MYO5B: variants seen among roughly 807,000 people sequenced by gnomAD.
MYO5B encodes the protein unconventional myosin-Vb.
MYO5B carries 143 observed loss-of-function variants against 229.3 expected under a neutral mutation model. That is an observed-to-expected ratio of 0.62 (90% CI 0.54 to 0.72). The LOEUF (loss-of-function observed/expected upper bound fraction) is 0.72, where lower values mean the gene tolerates loss of function less well. Ranked by LOEUF, MYO5B falls within the 30% of genes least tolerant of loss-of-function variation. MYO5B has a pLI of 0.00. For missense variants in MYO5B, 2,321 were observed against 2,331.0 expected, an observed-to-expected ratio of 1.00 and a Z score of 0.09; for synonymous variants, 918 against 885.2, an observed-to-expected ratio of 1.04 and a Z score of -0.66.
At position 49,823,371 on chromosome 18, in the gene MYO5B, C is replaced by A. The variant is rs1173307056; in HGVS notation, c.*3100G>T. ...GCCCCATGCTGTCCCATTTTAGTGA[C>A]CATTTAGTTATGCAGGCATTATACA... On this transcript the variant is annotated 3_prime_UTR_variant, in exon 40 of 40. Coordinates refer to ENST00000285039, the MANE Select transcript of MYO5B (RefSeq NM_001080467.3). 1.3e-5 allele frequency: 2 copies of A among 152,302 alleles called. No homozygotes were observed. The highest frequency in any genetic ancestry group is 4.8e-5 in the African/African-American group (2 of 41,486). The allele number at this position is 152,302 out of a possible 1,614,324, so 9.4% of individuals were successfully genotyped here. A position where few individuals can be genotyped will look rare whatever the true frequency, so the allele number is the denominator to read the frequency against.
rs183219633 is a variant in MYO5B at position 50,158,416 on chromosome 18, G to A, written c.27+36351C>T. 1.4e-4 allele frequency among the ~76,000 whole-genome samples: 22 copies of A among 152,160 alleles called. No homozygotes were observed. In the East Asian group the frequency reaches 3.5e-3, roughly 24 times the overall value. ...ATTCCCTATTTTTATGCAGATATCT[G>A]GACTTTTCATCTACATTTTTACCTT... On this transcript the variant is annotated intron_variant, in intron 1 of 39. Transcript: ENST00000285039.
At chr18:50,150,716 G>A (rs1480592585) in intron 1 of MYO5B, among the ~76,000 whole-genome samples, 1 of 152,268 alleles carries the variant, frequency 6.6e-6, no homozygotes, top group African/African-American at 2.4e-5. Context: ...ATAGCATTGG[G>A]AGATATACCT....
Position 49,992,354 on chromosome 18 carries a change from T to C in MYO5B, c.690A>G (p.Lys230=), listed in dbSNP as rs2025942372. The C allele has an allele frequency of 1.9e-6, 3 of 1,614,156 alleles. No homozygotes were observed. The East Asian group carries it at 6.7e-5, about 36-fold the overall frequency. Residue 230 remains lysine (K), a synonymous_variant, in exon 6 of 40, where the codon AAA becomes AAG. Transcript: ENST00000285039. The part of the protein sequence containing the change: ...FGKYIQIGFD[K]RYHIIGANMR... ...TGTTGGCCCCGATGATGTGGTACCTTTTGTCAAAGCCAATCTGGATGTACT... is the reference window on the plus strand; with the variant it reads ...TGTTGGCCCCGATGATGTGGTACCTCTTGTCAAAGCCAATCTGGATGTACT...
At chr18:50,136,042 G>A (rs553282352) in intron 1 of MYO5B, among the ~76,000 whole-genome samples, 1 of 152,356 alleles carries the variant, frequency 6.6e-6, no homozygotes, top group South Asian at 2.1e-4. Context: ...CCTGAATGCA[G>A]CAGGTCCTCT....
At chr18:50,089,704 T>G (rs184516606) in intron 1 of MYO5B, among the ~76,000 whole-genome samples, 1 of 152,296 alleles carries the variant, frequency 6.6e-6, no homozygotes, top group African/African-American at 2.4e-5. Flanking sequence ...GAAGTTTCTG[T>G]TTTTAACGCT....
At chr18:50,021,315 T>C (rs910064596) in intron 4 of MYO5B, among the ~76,000 whole-genome samples, 6 of 152,154 alleles carry the variant, frequency 3.9e-5, no homozygotes, top group Non-Finnish European at 5.9e-5. Context: ...ATTCAATCCA[T>C]GGAGAGAGAC....
intron 32 of MYO5B, 81 bp downstream of exon 32, chr18:49,849,486 G>C (rs1322361120): frequency 1.0e-6 from 1 of 973,402 alleles, no homozygotes; most frequent in Admixed American, 1.7e-5. Flanking sequence ...AATGTGCAGA[G>C]GGCAGGCAGA....
intron 17 of MYO5B, among the ~76,000 whole-genome samples, chr18:49,921,303 C>T (rs1310348631): frequency 2.0e-5 from 3 of 150,962 alleles, no homozygotes; most frequent in African/African-American, 7.3e-5. Context: ...TGTACATTCC[C>T]CCCACCACAC....
chr18:50,055,225 G>GGCCCCCCCCCCCCCCCCCCCC, intron 2 of MYO5B, 43 bp downstream of exon 2: 1 of 700,372 alleles, frequency 1.4e-6, no homozygotes, highest in Non-Finnish European at 2.7e-6. Context: ...TGAGCTCCCT[G>GGCCCCCCCCCCCCCCCCCCCC]CCCCACCTCA....
chr18:50,060,740 T>C (rs1297330004), intron 1 of MYO5B, among the ~76,000 whole-genome samples: 3 of 152,184 alleles, frequency 2.0e-5, no homozygotes, highest in Non-Finnish European at 4.4e-5. Flanking sequence ...CATACACAGC[T>C]GGAGGGGGTG....
intron 8 of MYO5B, among the ~76,000 whole-genome samples, chr18:49,980,887 T>G (rs1254658438): frequency 6.6e-6 from 1 of 152,246 alleles, no homozygotes. Context: ...AACCAAACAC[T>G]TTATGGATGT....
chr18:50,189,142 GC>G (rs1236143362), intron 1 of MYO5B, among the ~76,000 whole-genome samples: 2 of 152,140 alleles, frequency 1.3e-5, no homozygotes, highest in African/African-American at 2.4e-5. Flanking sequence ...AGGGGCCAAA[GC>G]CCTTGAGATT....
chr18:50,090,068 A>G (rs941513100), intron 1 of MYO5B, among the ~76,000 whole-genome samples: 2 of 152,096 alleles, frequency 1.3e-5, no homozygotes, highest in Non-Finnish European at 2.9e-5. Context: ...TCGGCTTTGG[A>G]GCCCCACTCC....
chr18:49,837,803 C>T lies in MYO5B; in HGVS notation c.4853-1G>A. On this transcript the variant is annotated splice_acceptor_variant, in intron 36 of 39. Coordinates refer to ENST00000285039, the MANE Select transcript of MYO5B (RefSeq NM_001080467.3). LOFTEE classifies it high-confidence loss of function. ...CTCTCATTTTCCAACATGGCAGAAA[C>T]TGAAATAAAAGCACAGTTAGAGAAG... The T allele has an allele frequency of 6.2e-7, 1 of 1,613,976 alleles. No individual in the cohort carries two copies. Among genetic ancestry groups the T allele is most frequent in the Non-Finnish European group, 8.5e-7 (1 of 1,180,028 alleles).
At chr18:50,088,871 A>G (rs1287858724) in intron 1 of MYO5B, among the ~76,000 whole-genome samples, 6 of 152,296 alleles carry the variant, frequency 3.9e-5, no homozygotes, top group Admixed American at 3.3e-4. Context: ...GGTTCTTCCA[A>G]AAGACTTGGC....
intron 1 of MYO5B, chr18:50,097,433 G>A: frequency 2.8e-6 from 1 of 353,132 alleles, no homozygotes; most frequent in Non-Finnish European, 5.7e-6. Context: ...AACTTGTTTG[G>A]GCCACATATA....
At chr18:49,890,908 T>C (rs982128389) in intron 22 of MYO5B, among the ~76,000 whole-genome samples, 3 of 152,222 alleles carry the variant, frequency 2.0e-5, no homozygotes, top group Non-Finnish European at 2.9e-5. Flanking sequence ...ATCCCTTGGA[T>C]AGTAAGACAA....
At chr18:49,897,855 G>T (rs1568022598) in intron 21 of MYO5B, among the ~76,000 whole-genome samples, 1 of 152,310 alleles carries the variant, frequency 6.6e-6, no homozygotes, top group East Asian at 1.9e-4. Context: ...GTCTACAGGA[G>T]TGGAAAGTAA....
At chr18:49,884,536 T>G (rs1344677241) in intron 22 of MYO5B, among the ~76,000 whole-genome samples, 2 of 152,024 alleles carry the variant, frequency 1.3e-5, no homozygotes, top group Non-Finnish European at 2.9e-5. Flanking sequence ...GTGTCGCATG[T>G]GCAGTTCACA....
Sources: gnomAD v4.1 joint callset for allele counts (sites outside exome capture counted in the v4.1 genomes callset) on GRCh38, gnomAD v4.1.1 for gene constraint, MANE v1.5 for transcripts, NCBI Gene and HGNC (gene_info 2026-07-23, HGNC 2026-07-21) for gene names.